The following DST variants were observed in gnomAD, a reference collection of about 807,000 sequenced individuals.
DST encodes dystonin, also known as bullous pemphigoid antigen.
DST carries 253 observed loss-of-function variants against 875.2 expected under a neutral mutation model. That is an observed-to-expected ratio of 0.29 (90% CI 0.26 to 0.32). The LOEUF (loss-of-function observed/expected upper bound fraction) is 0.32, where lower values mean the gene tolerates loss of function less well. Ranked by LOEUF, DST falls within the 10% of genes least tolerant of loss-of-function variation. The pLI, the probability that DST is intolerant of heterozygous loss-of-function variation, is 1.00. For missense variants in DST, 8,287 were observed against 9,111.6 expected (o/e 0.91, Z 3.68); for synonymous variants, 3,124 against 3,197.1 (o/e 0.98, Z 0.77).
At chr6:56,944,227 G>C (rs1338707731) in intron 2 of DST, among the ~76,000 whole-genome samples, 1 of 152,144 alleles carries the variant, frequency 6.6e-6, no homozygotes, top group Non-Finnish European at 1.5e-5. Context: ...TGAGAATTGA[G>C]AATGAAACTG....
intron 5 of DST, among the ~76,000 whole-genome samples, chr6:56,715,464 T>A (rs1248468845): frequency 6.6e-6 from 1 of 152,174 alleles, no homozygotes; most frequent in East Asian, 1.9e-4. Flanking sequence ...AAATTGGAAG[T>A]CTTTAGAAGT....
intron 61 of DST, among the ~76,000 whole-genome samples, chr6:56,546,347 CATATATATATATATATATATATATAT>C (rs10617867): frequency 1.0e-3 from 75 of 72,640 alleles, no homozygotes; most frequent in Middle Eastern, 0.013. Context: ...ATACATATTT[CATATATATATATATATATATATATAT>C]ATATATATAT....
At position 56,482,194 on chromosome 6, in the gene DST, C is replaced by CACACACACACACACACACACACAT; in HGVS notation, c.21403-17_21403-16insATGTGTGTGTGTGTGTGTGTGTGT. On this transcript the variant is annotated splice_polypyrimidine_tract_variant and intron_variant, in intron 89 of 103. Coordinates refer to ENST00000680361, the MANE Select transcript of DST (RefSeq NM_001374736.1). Reference sequence around the variant, plus strand: ...ATTCCTCTGCCTAAGAGTTCACACACACACACACCCCAAACAAAATTCCCA... The same window carrying CACACACACACACACACACACACAT: ...ATTCCTCTGCCTAAGAGTTCACACACACACACACACACACACACACACATACACACACCCCAAACAAAATTCCCA... 1.2e-6 allele frequency: 2 copies of CACACACACACACACACACACACAT among 1,603,594 alleles called. No homozygotes were observed. The highest frequency in any genetic ancestry group is 1.1e-5 in the South Asian group (1 of 90,070).
At chr6:56,803,116 G>A (rs929581144) in intron 4 of DST, among the ~76,000 whole-genome samples, 2 of 152,122 alleles carry the variant, frequency 1.3e-5, no homozygotes, top group Non-Finnish European at 2.9e-5. Flanking sequence ...CAAAAATCAG[G>A]GAAGTGGATG....
At chr6:56,662,335 C>T (rs548800797) in intron 10 of DST, among the ~76,000 whole-genome samples, 34 of 152,300 alleles carry the variant, frequency 2.2e-4, no homozygotes, top group African/African-American at 7.7e-4. Context: ...CACAAAGACA[C>T]ATACAAAGTT....
intron 17 of DST, among the ~76,000 whole-genome samples, chr6:56,641,459 G>A (rs1461632325): frequency 6.6e-6 from 1 of 151,968 alleles, no homozygotes; most frequent in African/African-American, 2.4e-5. Context: ...GTGGTGGCGG[G>A]TGCCTGTAAT....
intron 3 of DST, among the ~76,000 whole-genome samples, chr6:56,856,924 C>T (rs1481754570): frequency 6.6e-6 from 1 of 151,928 alleles, no homozygotes; most frequent in Non-Finnish European, 1.5e-5. Context: ...TGATAATAGG[C>T]TAACAATAAG....
At chr6:56,670,526 T>G (rs2099096151) in intron 10 of DST, 115 bp downstream of exon 10, 1 of 833,522 alleles carries the variant, frequency 1.2e-6, no homozygotes, top group Admixed American at 3.7e-5. Context: ...TTTCTGTATT[T>G]TCTAATTTTT....
chr6:56,557,690 T>C (rs2097450272), intron 58 of DST, among the ~76,000 whole-genome samples, 172 bp from the exon 59 acceptor site: 1 of 152,162 alleles, frequency 6.6e-6, no homozygotes, highest in Non-Finnish European at 1.5e-5. Flanking sequence ...ATAGGTCTGA[T>C]GGTTGTATGT....
At chr6:56,786,936 C>A (rs768801135) in intron 4 of DST, among the ~76,000 whole-genome samples, 2 of 152,134 alleles carry the variant, frequency 1.3e-5, no homozygotes, top group Non-Finnish European at 2.9e-5. Flanking sequence ...AATGTGGTTC[C>A]TTTTTAAAAT....
intron 5 of DST, among the ~76,000 whole-genome samples, chr6:56,723,229 A>G (rs913514986): frequency 1.3e-5 from 2 of 152,228 alleles, no homozygotes; most frequent in African/African-American, 4.8e-5. Flanking sequence ...GAGAACCAAA[A>G]GGGTAAGTCA....
chr6:56,880,623 G>A (rs1412203141), intron 3 of DST, among the ~76,000 whole-genome samples: 1 of 151,008 alleles, frequency 6.6e-6, no homozygotes, highest in Non-Finnish European at 1.5e-5. Context: ...GGAGGTGGAG[G>A]TTGCAGTGAG....
chr6:56,699,806 T>C, intron 8 of DST, 61 bp from the exon 9 acceptor site: 1 of 703,762 alleles, frequency 1.4e-6, no homozygotes. Flanking sequence ...CCAGTTATCT[T>C]TACCTACATA....
At chr6:56,615,691 T>C (rs2098607231) in intron 36 of DST, 13 of 1,614,166 alleles carry the variant, frequency 8.1e-6, no homozygotes, top group East Asian at 2.2e-5. Context: ...GATCTTTGAG[T>C]TTTGTGGCAA....
intron 4 of DST, among the ~76,000 whole-genome samples, chr6:56,748,688 C>T (rs1463017928): frequency 6.6e-6 from 1 of 152,282 alleles, no homozygotes; most frequent in Non-Finnish European, 1.5e-5. Context: ...GATCATCATC[C>T]TCTTCTTATT....
At chr6:56,656,562 A>G (rs1159734606) in intron 10 of DST, among the ~76,000 whole-genome samples, 5 of 152,228 alleles carry the variant, frequency 3.3e-5, no homozygotes, top group Non-Finnish European at 4.4e-5. Context: ...TTGTGTTATT[A>G]TCCTGAATTT....
intron 36 of DST, chr6:56,617,881 A>T: frequency 1.1e-6 from 1 of 932,618 alleles, no homozygotes; most frequent in East Asian, 2.4e-5. Flanking sequence ...ACAATGAGCC[A>T]ATCACATTCA....
intron 4 of DST, among the ~76,000 whole-genome samples, chr6:56,841,670 C>T (rs1348245451): frequency 6.6e-6 from 1 of 152,124 alleles, no homozygotes; most frequent in Non-Finnish European, 1.5e-5. Flanking sequence ...TTAGAACTTT[C>T]AGATTTTTTT....
rs2096858541 is a variant in DST at position 56,529,448 on chromosome 6, C to G, written c.17595G>C (p.Arg5865=). 5.5e-6 allele frequency: 8 copies of G among 1,456,862 alleles called. No individual in the cohort carries two copies. The highest frequency in any genetic ancestry group is 1.4e-5 in the African/African-American group (1 of 69,634). The allele number at this position is 1,456,862 out of a possible 1,614,324, so 90.2% of individuals were successfully genotyped here. ...EGLWKQQSEL[R]VLQEDILLRK... ...GATAAAATAAAATAAATCAAAATAC[C>G]CGAAGTTCAGACTGCTGCTTCCATA... Residue 5865 remains arginine, a splice_region_variant and synonymous_variant, in exon 66 of 104, where the codon CGG becomes CGC. Coordinates refer to ENST00000680361, the MANE Select transcript of DST (RefSeq NM_001374736.1).
Sources: allele counts gnomAD v4.1 joint callset (sites outside exome capture counted in the v4.1 genomes callset), GRCh38; gene constraint gnomAD v4.1.1; transcripts MANE v1.5; gene names NCBI Gene and HGNC (gene_info 2026-07-23, HGNC 2026-07-21).